Variants in GALNTL6 observed in about 807,000 individuals in gnomAD.
GALNTL6 encodes the protein polypeptide N-acetylgalactosaminyltransferase like 6.
GALNTL6 carries 46 observed loss-of-function variants against 73.7 expected under a neutral mutation model. That is an observed-to-expected ratio of 0.62 (90% CI 0.49 to 0.80). GALNTL6 has a LOEUF of 0.80. Among genes scored for constraint, GALNTL6 ranks in the 30% least tolerant of loss-of-function variants. GALNTL6 has a pLI of 0.00. For synonymous variants in GALNTL6, 259 were observed against 263.7 expected (o/e 0.98, Z 0.17); for missense variants, 604 against 755.0 (o/e 0.80, Z 2.34).
intron 12 of GALNTL6, among the ~76,000 whole-genome samples, chr4:173,030,692 C>T (rs936994631): frequency 5.3e-5 from 8 of 152,006 alleles, no homozygotes; most frequent in Non-Finnish European, 7.4e-5. Flanking sequence ...ACTCTGTGCC[C>T]GGTCTGTGTT....
intron 2 of GALNTL6, among the ~76,000 whole-genome samples, chr4:172,093,227 T>C (rs1234640687): frequency 6.6e-6 from 1 of 152,216 alleles, no homozygotes; most frequent in African/African-American, 2.4e-5. Context: ...CAGTCAACTT[T>C]GACTACACAC....
At chr4:172,393,023 T>C (rs57501289) in intron 5 of GALNTL6, among the ~76,000 whole-genome samples, 3,722 of 152,196 alleles carry the variant, frequency 0.024, 157 homozygotes, top group African/African-American at 0.084. Flanking sequence ...TTGTGAACTG[T>C]GCATGCCGGC....
chr4:172,385,646 T>C (rs956814087), intron 5 of GALNTL6, among the ~76,000 whole-genome samples: 1 of 152,078 alleles, frequency 6.6e-6, no homozygotes, highest in African/African-American at 2.4e-5. Flanking sequence ...ACTGTCAACC[T>C]ATTATGTCTT....
At chr4:172,431,224 A>G (rs1011760383) in intron 5 of GALNTL6, among the ~76,000 whole-genome samples, 3 of 152,160 alleles carry the variant, frequency 2.0e-5, no homozygotes, top group African/African-American at 7.2e-5. Context: ...TCCATATTCT[A>G]ATTATACCAA....
chr4:172,379,754 C>G (rs1311428101), intron 5 of GALNTL6, among the ~76,000 whole-genome samples: 1 of 152,064 alleles, frequency 6.6e-6, no homozygotes, highest in African/African-American at 2.4e-5. Flanking sequence ...ACACTTAAAC[C>G]AGGCTTGGGG....
chr4:172,611,121 G>A (rs376784237), intron 5 of GALNTL6, among the ~76,000 whole-genome samples: 15 of 151,976 alleles, frequency 9.9e-5, no homozygotes, highest in East Asian at 5.8e-4. Context: ...ATTGCATCTC[G>A]TTTTTTTATC....
At chr4:172,451,975 C>T (rs1233915450) in intron 5 of GALNTL6, among the ~76,000 whole-genome samples, 2 of 152,152 alleles carry the variant, frequency 1.3e-5, no homozygotes, top group Non-Finnish European at 2.9e-5. Context: ...TGTACCGCTG[C>T]ACTCCAGCCT....
At chr4:171,838,510 C>T (rs761397572) in intron 2 of GALNTL6, among the ~76,000 whole-genome samples, 1 of 152,162 alleles carries the variant, frequency 6.6e-6, no homozygotes, top group Non-Finnish European at 1.5e-5. Flanking sequence ...TCCCTTCACT[C>T]TCTCTCCATC....
At chr4:171,832,221 T>A (rs1579492521) in intron 2 of GALNTL6, among the ~76,000 whole-genome samples, 1 of 151,548 alleles carries the variant, frequency 6.6e-6, no homozygotes, top group East Asian at 1.9e-4. Flanking sequence ...GGTAAAACAG[T>A]CAAATATTTG....
intron 5 of GALNTL6, among the ~76,000 whole-genome samples, chr4:172,681,582 ATTGT>A (rs1206876951): frequency 6.6e-6 from 1 of 152,162 alleles, no homozygotes; most frequent in East Asian, 1.9e-4. Flanking sequence ...TTAGCAAAAA[ATTGT>A]TTGTATTCTA....
chr4:172,699,615 A>G (rs1207692031), intron 5 of GALNTL6, among the ~76,000 whole-genome samples: 1 of 152,204 alleles, frequency 6.6e-6, no homozygotes, highest in Non-Finnish European at 1.5e-5. Context: ...AAGAACAGAA[A>G]TGCCATAACC....
chr4:172,724,764 G>A (rs1735694423), intron 5 of GALNTL6, among the ~76,000 whole-genome samples: 1 of 151,912 alleles, frequency 6.6e-6, no homozygotes, highest in Admixed American at 6.6e-5. Context: ...AAAGTTTGGG[G>A]AAAAAATAGA....
intron 2 of GALNTL6, among the ~76,000 whole-genome samples, chr4:171,983,504 A>G (rs918718860): frequency 1.4e-4 from 17 of 120,620 alleles, no homozygotes; most frequent in African/African-American, 4.7e-4. Context: ...TTATTTATTT[A>G]TTTGAGACGG....
intron 10 of GALNTL6, among the ~76,000 whole-genome samples, chr4:172,986,608 A>G (rs145961595): frequency 6.6e-6 from 1 of 152,340 alleles, no homozygotes; most frequent in African/African-American, 2.4e-5. Context: ...TTTAGACCTG[A>G]GAATAGATCA....
At chr4:172,796,144 A>C (rs562968506) in intron 5 of GALNTL6, among the ~76,000 whole-genome samples, 1 of 151,844 alleles carries the variant, frequency 6.6e-6, no homozygotes, top group South Asian at 2.1e-4. Context: ...CTTCTATAAT[A>C]ATTATATAAT....
chr4:172,631,082 A>G (rs902726423), intron 5 of GALNTL6, among the ~76,000 whole-genome samples: 2 of 151,996 alleles, frequency 1.3e-5, no homozygotes, highest in Admixed American at 1.3e-4. Context: ...TTCTTTAGAC[A>G]TTTAACAAGT....
At chr4:171,890,054 T>G (rs1382443308) in intron 2 of GALNTL6, among the ~76,000 whole-genome samples, 1 of 152,168 alleles carries the variant, frequency 6.6e-6, no homozygotes, top group Non-Finnish European at 1.5e-5. Context: ...GTATGACTGT[T>G]ATTTTAAAAT....
intron 5 of GALNTL6, among the ~76,000 whole-genome samples, chr4:172,653,617 A>C (rs1740601214): frequency 6.6e-6 from 1 of 152,184 alleles, no homozygotes; most frequent in Non-Finnish European, 1.5e-5. Context: ...GGAAAAAAAA[A>C]TACCTTGCTA....
chr4:172,807,543 T>G (rs1236974127), intron 5 of GALNTL6, among the ~76,000 whole-genome samples: 1 of 152,208 alleles, frequency 6.6e-6, no homozygotes, highest in Non-Finnish European at 1.5e-5. Context: ...AAAGCTTGAC[T>G]GTCCACCACA....
Sources: gnomAD v4.1 joint callset for allele counts (sites outside exome capture counted in the v4.1 genomes callset) on GRCh38, gnomAD v4.1.1 for gene constraint, MANE v1.5 for transcripts, NCBI Gene and HGNC (gene_info 2026-07-23, HGNC 2026-07-21) for gene names.